The following SLC36A1 variants were observed in gnomAD, a reference collection of about 807,000 sequenced individuals.
The protein encoded by SLC36A1 is solute carrier family 36 member 1.
Under a neutral mutation model 47.5 loss-of-function variants are expected in SLC36A1, and 30 were observed. The observed-to-expected ratio is 0.63, with a 90% CI of 0.47 to 0.86. SLC36A1 has a LOEUF of 0.86. SLC36A1 is among the 40% of genes least tolerant of loss of function. The pLI, the probability that SLC36A1 is intolerant of heterozygous loss-of-function variation, is 0.00. For missense variants in SLC36A1, 517 were observed against 606.0 expected (o/e 0.85, Z 1.54); for synonymous variants, 255 against 249.7 (o/e 1.02, Z -0.20).
chr5:151,346,567 G>A, the SLC36A1 span, among the ~76,000 whole-genome samples: 1 of 152,168 alleles, frequency 6.6e-6, no homozygotes, highest in African/African-American at 2.4e-5. Context: ...ATCTAGTGGT[G>A]CAAAAACTTT....
chr5:151,465,629 G>A (rs1394652298), intron 5 of SLC36A1, among the ~76,000 whole-genome samples: 3 of 152,168 alleles, frequency 2.0e-5, no homozygotes, highest in Non-Finnish European at 4.4e-5. Context: ...AACAAGATAA[G>A]AGACCAGTAG....
chr5:151,362,389 C>CTTTT, the SLC36A1 span, among the ~76,000 whole-genome samples: 2 of 109,014 alleles, frequency 1.8e-5, no homozygotes. Context: ...ATTGATTCTT[C>CTTTT]TTTTTTTTTT....
At chr5:151,404,491 T>C in the SLC36A1 span, among the ~76,000 whole-genome samples, 3 of 152,186 alleles carry the variant, frequency 2.0e-5, no homozygotes, top group Admixed American at 6.5e-5. Flanking sequence ...GATTGGGTAG[T>C]TGCTTTATAG....
At chr5:151,517,773 A>T in the SLC36A1 span, 3 of 1,613,960 alleles carry the variant, frequency 1.9e-6, no homozygotes, top group Non-Finnish European at 2.5e-6. Context: ...TACCTGAGAA[A>T]GCAACCAAAG....
In SLC36A1 at chr5:151,467,696, C is replaced by T; in HGVS notation, c.505-11C>T. Reference sequence around the variant, plus strand: ...GAGGTGTTTCCGTTTTCTTCCTTCCCCTCATTCTAGGTGATAGAAGCGGCC... The same window carrying T: ...GAGGTGTTTCCGTTTTCTTCCTTCCTCTCATTCTAGGTGATAGAAGCGGCC... On this transcript the variant is annotated splice_polypyrimidine_tract_variant and intron_variant, in intron 6 of 10. Transcript: ENST00000243389. 3 of 1,611,524 alleles carry T rather than the reference C, an allele frequency of 1.9e-6. No homozygotes were observed. Among genetic ancestry groups the T allele is most frequent in the Admixed American group, 3.3e-5 (2 of 60,016 alleles).
the SLC36A1 span, among the ~76,000 whole-genome samples, chr5:151,394,325 T>C: frequency 6.6e-6 from 1 of 152,220 alleles, no homozygotes; most frequent in East Asian, 1.9e-4. Flanking sequence ...CCAAGGTTTT[T>C]AGCTTCTTTG....
the SLC36A1 span, chr5:151,522,157 C>G: frequency 7.9e-7 from 1 of 1,264,368 alleles, no homozygotes; most frequent in Non-Finnish European, 1.1e-6. Context: ...GAGGCTGGGC[C>G]TCCTTGTGGA....
chr5:151,386,091 G>C, the SLC36A1 span, among the ~76,000 whole-genome samples: 1 of 151,892 alleles, frequency 6.6e-6, no homozygotes, highest in Admixed American at 6.6e-5. Flanking sequence ...TGTTGGCCAG[G>C]CTGGTCTCAA....
At chr5:151,356,789 A>T in the SLC36A1 span, among the ~76,000 whole-genome samples, 1 of 152,208 alleles carries the variant, frequency 6.6e-6, no homozygotes, top group African/African-American at 2.4e-5. Context: ...ATGCTACACA[A>T]CTGGGGGCAA....
chr5:151,421,596 T>C, the SLC36A1 span, among the ~76,000 whole-genome samples: 1 of 149,874 alleles, frequency 6.7e-6, no homozygotes, highest in Non-Finnish European at 1.5e-5. Flanking sequence ...TTTTTTTTGT[T>C]GTTGTTGTTT....
At chr5:151,422,857 G>A in the SLC36A1 span, among the ~76,000 whole-genome samples, 322 of 152,196 alleles carry the variant, frequency 2.1e-3, 2 homozygotes, top group East Asian at 0.023. Context: ...CAGGAGAATC[G>A]CTTGAACAAG....
chr5:151,542,687 T>G, the SLC36A1 span: 1 of 1,613,966 alleles, frequency 6.2e-7, no homozygotes, highest in Non-Finnish European at 8.5e-7. Context: ...ATGACTGAGG[T>G]CCCCACTGGC....
chr5:151,395,542 T>G, the SLC36A1 span, among the ~76,000 whole-genome samples: 1 of 152,212 alleles, frequency 6.6e-6, no homozygotes, highest in Non-Finnish European at 1.5e-5. Flanking sequence ...TCAGCCATCT[T>G]GGAGCCACCT....
chr5:151,512,050 AAG>A, the SLC36A1 span: 15 of 916,130 alleles, frequency 1.6e-5, no homozygotes, highest in South Asian at 2.4e-4. The surrounding 1 kb of genome is among the most constrained non-coding windows in gnomAD (Gnocchi z 4.1). Context: ...AAGTTAGGGG[AAG>A]AGAGAGAAAT....
At chr5:151,399,085 T>TATATATATATATA in the SLC36A1 span, among the ~76,000 whole-genome samples, 83 of 59,526 alleles carry the variant, frequency 1.4e-3, no homozygotes, top group African/African-American at 3.9e-3. Flanking sequence ...TATATATATA[T>TATATATATATATA]TTTTTTTTTT....
In SLC36A1 at chr5:151,488,512, C is replaced by A; in HGVS notation, c.*258C>A. 1 of 505,928 alleles carries A rather than the reference C, an allele frequency of 2.0e-6. No homozygotes were observed. Among genetic ancestry groups the A allele is most frequent in the East Asian group, 3.4e-5 (1 of 29,312 alleles). The allele number at this position is 505,928 out of a possible 1,614,324, so 31.3% of individuals were successfully genotyped here. ...CCTATTTACACCCAGAACTTTCCAGCTCCCCCTCATCATGCCTCCTCCTTC... is the reference window on the plus strand; with the variant it reads ...CCTATTTACACCCAGAACTTTCCAGATCCCCCTCATCATGCCTCCTCCTTC... On this transcript the variant is annotated 3_prime_UTR_variant, in exon 11 of 11. Transcript: ENST00000243389.
chr5:151,513,746 A>G, the SLC36A1 span, among the ~76,000 whole-genome samples: 2 of 152,224 alleles, frequency 1.3e-5, no homozygotes, highest in African/African-American at 2.4e-5. Flanking sequence ...AAACTAAACT[A>G]AAAATTGGAA....
At chr5:151,468,266 A>AAAAATCTATAT (rs55642458) in intron 7 of SLC36A1, among the ~76,000 whole-genome samples, 1 of 63,830 alleles carries the variant, frequency 1.6e-5, no homozygotes, top group African/African-American at 8.8e-5. Context: ...AAAAAAAAAA[A>AAAAATCTATAT]ATATATATAT....
chr5:151,467,792 A>G lies in SLC36A1; in HGVS notation c.590A>G (p.Tyr197Cys), dbSNP rs1338842181. ...ILTPTMDSRL[Y>C]MLSFLPFLVL... ...ACGCCTACCATGGACTCGCGACTCTACATGCTCTCCTTCCTGCCCTTCCTG... is the reference window on the plus strand; with the variant it reads ...ACGCCTACCATGGACTCGCGACTCTGCATGCTCTCCTTCCTGCCCTTCCTG... Residue 197 changes from tyrosine (Y) to cysteine (C), a missense_variant, in exon 7 of 11, where the codon TAC becomes TGC. By Grantham distance (194) the Tyr-to-Cys change is radical (BLOSUM62 -2). Transcript: ENST00000243389. The G allele has an allele frequency of 1.2e-6, 2 of 1,613,962 alleles. No homozygotes were observed. The highest frequency in any genetic ancestry group is 1.7e-6 in the Non-Finnish European group (2 of 1,179,972).
Sources: gnomAD v4.1 joint callset for allele counts (sites outside exome capture counted in the v4.1 genomes callset) on GRCh38, gnomAD v4.1.1 for gene constraint, Gnocchi (gnomAD v3.1) non-coding constraint, MANE v1.5 for transcripts, NCBI Gene and HGNC (gene_info 2026-07-23, HGNC 2026-07-21) for gene names.